Variants in SYT1 observed in about 807,000 individuals in gnomAD.
The protein encoded by SYT1 is synaptotagmin-1.
In SYT1, 8 loss-of-function variants were observed where a neutral mutation model predicts 44.8. That is an observed-to-expected ratio of 0.18 (90% CI 0.10 to 0.32). SYT1 has a LOEUF of 0.32. SYT1 is among the 10% of genes least tolerant of loss of function. The pLI is 1.00. For synonymous variants in SYT1, 154 were observed against 188.8 expected, an observed-to-expected ratio of 0.82 and a Z score of 1.51; for missense variants, 286 against 509.3, an observed-to-expected ratio of 0.56 and a Z score of 4.22.
intron 3 of SYT1, among the ~76,000 whole-genome samples, chr12:79,184,113 AATT>A (rs1195491027): frequency 1.3e-5 from 2 of 152,074 alleles, no homozygotes; most frequent in African/African-American, 2.4e-5. Flanking sequence ...GTAGACAATA[AATT>A]ATTATGAAAA....
chr12:79,258,259 T>A (rs998763701), intron 4 of SYT1, among the ~76,000 whole-genome samples: 4 of 152,124 alleles, frequency 2.6e-5, no homozygotes, highest in Non-Finnish European at 5.9e-5. Flanking sequence ...GAAAACAGGG[T>A]TTTATGCTTC....
intron 3 of SYT1, among the ~76,000 whole-genome samples, chr12:79,153,258 T>C (rs1005565207): frequency 6.6e-6 from 1 of 152,184 alleles, no homozygotes; most frequent in African/African-American, 2.4e-5. Context: ...ATAGTACTTA[T>C]GATCTCTATA....
chr12:78,894,298 C>A (rs868102713), intron 1 of SYT1, among the ~76,000 whole-genome samples: 17 of 82,768 alleles, frequency 2.1e-4, no homozygotes, highest in Admixed American at 6.4e-4. Flanking sequence ...TAATTTTACT[C>A]GGTCTTAATT....
intron 3 of SYT1, among the ~76,000 whole-genome samples, chr12:79,053,993 A>G (rs1874741206): frequency 6.6e-6 from 1 of 152,084 alleles, no homozygotes; most frequent in African/African-American, 2.4e-5. Context: ...AAGGAAAGGA[A>G]GCATTTATTG....
intron 8 of SYT1, among the ~76,000 whole-genome samples, chr12:79,351,035 A>C (rs1411268838): frequency 6.6e-6 from 1 of 152,230 alleles, no homozygotes; most frequent in Non-Finnish European, 1.5e-5. Context: ...GAGCAAATGA[A>C]ATTTTACATG....
At chr12:79,070,649 T>G (rs1376531941) in intron 3 of SYT1, among the ~76,000 whole-genome samples, 1 of 152,078 alleles carries the variant, frequency 6.6e-6, no homozygotes, top group Non-Finnish European at 1.5e-5. Context: ...ACTAGAAAGA[T>G]GTACTAAAGA....
chr12:79,386,126 C>A (rs1018749568), intron 9 of SYT1, among the ~76,000 whole-genome samples: 1 of 152,036 alleles, frequency 6.6e-6, no homozygotes, highest in African/African-American at 2.4e-5. Context: ...GGTGCATTAC[C>A]CTGCTATTTT....
At chr12:78,900,613 AGT>A (rs1875607910) in intron 1 of SYT1, among the ~76,000 whole-genome samples, 1 of 152,070 alleles carries the variant, frequency 6.6e-6, no homozygotes, top group Non-Finnish European at 1.5e-5. Context: ...GGCACATTAG[AGT>A]GGAGCATGGA....
At chr12:79,016,983 A>T (rs772436926) in intron 2 of SYT1, among the ~76,000 whole-genome samples, 1 of 152,154 alleles carries the variant, frequency 6.6e-6, no homozygotes, top group Non-Finnish European at 1.5e-5. Context: ...CTAGATATGG[A>T]CAAGGGGCTT....
rs1038566457 is a variant in SYT1 at position 79,045,345 on chromosome 12, C to G, written c.-83-1952C>G. 3.4e-4 allele frequency among the ~76,000 whole-genome samples: 52 copies of G among 152,170 alleles called. 1 individual carries two copies. Among genetic ancestry groups the G allele is most frequent in the Non-Finnish European group, 1.5e-5 (1 of 68,040 alleles). ...GTGGTGCGCCATTTTTTAAGCCGGT[C>G]GGAAAAGCGCAGTATTCGGGAGGGA... On this transcript the variant is annotated intron_variant, in intron 2 of 10. Coordinates refer to ENST00000261205, the MANE Select transcript of SYT1 (RefSeq NM_005639.3).
intron 1 of SYT1, among the ~76,000 whole-genome samples, chr12:78,935,583 T>G (rs61929225): frequency 0.044 from 6,647 of 152,100 alleles, 193 homozygotes; most frequent in African/African-American, 0.083. Flanking sequence ...AAGAAAACTG[T>G]GGGATTAGTT....
chr12:78,975,658 C>T (rs1270556842), intron 1 of SYT1, among the ~76,000 whole-genome samples: 2 of 152,126 alleles, frequency 1.3e-5, no homozygotes, highest in African/African-American at 4.8e-5. Flanking sequence ...TGCCTGTAAG[C>T]TCATAATCCC....
chr12:79,338,751 G>A (rs1484101911), intron 8 of SYT1, among the ~76,000 whole-genome samples: 2 of 148,960 alleles, frequency 1.3e-5, no homozygotes, highest in South Asian at 2.1e-4. Context: ...TACATGTGCT[G>A]TGTTGGTTTG....
intron 1 of SYT1, among the ~76,000 whole-genome samples, chr12:78,907,698 T>C (rs921092618): frequency 1.3e-5 from 2 of 152,006 alleles, no homozygotes; most frequent in African/African-American, 4.8e-5. Flanking sequence ...TGCCGTTAGG[T>C]CAAACACTCT....
chr12:79,096,482 A>G (rs1357406287), intron 3 of SYT1, among the ~76,000 whole-genome samples: 4 of 151,932 alleles, frequency 2.6e-5, no homozygotes, highest in Admixed American at 2.6e-4. Context: ...AGTGTGATTA[A>G]TGCTTTAACA....
chr12:78,876,937 T>TATATGTATTATATATA (rs1874205120), intron 1 of SYT1, among the ~76,000 whole-genome samples: 1 of 66,020 alleles, frequency 1.5e-5, no homozygotes, highest in Admixed American at 2.0e-4. Context: ...TATTATATAT[T>TATATGTATTATATATA]ATATATAGTG....
chr12:78,919,948 A>G (rs1172712893), intron 1 of SYT1, among the ~76,000 whole-genome samples: 1 of 151,926 alleles, frequency 6.6e-6, no homozygotes, highest in Non-Finnish European at 1.5e-5. Flanking sequence ...TCAATGTGTG[A>G]TCTGATTTAT....
intron 3 of SYT1, among the ~76,000 whole-genome samples, chr12:79,191,140 G>T (rs1195467438): frequency 1.3e-5 from 2 of 151,576 alleles, no homozygotes; most frequent in African/African-American, 2.4e-5. Context: ...CATTTCTCAT[G>T]TATCTTATTA....
intron 8 of SYT1, among the ~76,000 whole-genome samples, chr12:79,326,247 C>G (rs111443792): frequency 3.9e-5 from 6 of 152,232 alleles, no homozygotes; most frequent in African/African-American, 1.4e-4. Context: ...TCAGAGAGGC[C>G]TGTGACAAGC....
Sources: gnomAD v4.1 joint callset for allele counts (sites outside exome capture counted in the v4.1 genomes callset) on GRCh38, gnomAD v4.1.1 for gene constraint, MANE v1.5 for transcripts, NCBI Gene and HGNC (gene_info 2026-07-23, HGNC 2026-07-21) for gene names.